DCDC2: variants seen among roughly 807,000 people sequenced by gnomAD.
DCDC2 encodes doublecortin domain-containing protein 2.
Under a neutral mutation model 50.2 loss-of-function variants are expected in DCDC2, and 40 were observed. The observed-to-expected ratio is 0.80, with a 90% CI of 0.62 to 1.04. The LOEUF (loss-of-function observed/expected upper bound fraction) is 1.04. Ranked by LOEUF, DCDC2 falls within the 50% of genes least tolerant of loss-of-function variation. The probability of loss-of-function intolerance (pLI) is 0.00; values close to 1 mark genes in which losing one functional copy is unlikely to be tolerated. For missense variants in DCDC2, 570 were observed against 581.9 expected, an observed-to-expected ratio of 0.98 and a Z score of 0.21; for synonymous variants, 234 against 210.6, an observed-to-expected ratio of 1.11 and a Z score of -0.96.
intron 2 of DCDC2, among the ~76,000 whole-genome samples, chr6:24,346,205 C>G (rs533878472): frequency 4.1e-5 from 6 of 147,370 alleles, no homozygotes; most frequent in Non-Finnish European, 6.0e-5. Flanking sequence ...CATGGATTTA[C>G]AGAAACAAAA....
At chr6:24,264,084 CAT>C (rs1244975287) in intron 7 of DCDC2, among the ~76,000 whole-genome samples, 1 of 152,018 alleles carries the variant, frequency 6.6e-6, no homozygotes, top group Non-Finnish European at 1.5e-5. Flanking sequence ...AGTGGCATGA[CAT>C]ATTTAAAGTG....
At chr6:24,355,724 G>A (rs1329265376) in intron 1 of DCDC2, among the ~76,000 whole-genome samples, 1 of 151,890 alleles carries the variant, frequency 6.6e-6, no homozygotes, top group Non-Finnish European at 1.5e-5. Context: ...AAGCTTCAGG[G>A]GAGGGAAAAA....
chr6:24,181,690 T>C (rs1204424206), intron 8 of DCDC2, among the ~76,000 whole-genome samples: 1 of 152,022 alleles, frequency 6.6e-6, no homozygotes, highest in Non-Finnish European at 1.5e-5. Flanking sequence ...AAGACATAAA[T>C]AAATGGAAAT....
At chr6:24,202,270 A>G (rs562595793) in intron 8 of DCDC2, among the ~76,000 whole-genome samples, 1 of 152,342 alleles carries the variant, frequency 6.6e-6, no homozygotes, top group East Asian at 1.9e-4. Flanking sequence ...AGCACATCAA[A>G]AAGCTTATCA....
upstream of DCDC2, among the ~76,000 whole-genome samples, chr6:24,360,170 T>G (rs1760642185): frequency 6.6e-6 from 1 of 152,162 alleles, no homozygotes; most frequent in Admixed American, 6.5e-5. Context: ...AACCGCAGCC[T>G]CGCGCGGGGA....
chr6:24,226,810 AG>A (rs1294395366), intron 7 of DCDC2, among the ~76,000 whole-genome samples: 2 of 152,228 alleles, frequency 1.3e-5, no homozygotes, highest in African/African-American at 4.8e-5. Context: ...GGTGACTCCG[AG>A]GTTTCTCACT....
At chr6:24,198,477 A>T (rs919294933) in intron 8 of DCDC2, among the ~76,000 whole-genome samples, 2 of 152,194 alleles carry the variant, frequency 1.3e-5, no homozygotes, top group African/African-American at 2.4e-5. Context: ...TCCAGCCCGG[A>T]TGCTACATTT....
At chr6:24,199,918 T>C (rs575041260) in intron 8 of DCDC2, among the ~76,000 whole-genome samples, 3 of 152,218 alleles carry the variant, frequency 2.0e-5, no homozygotes, top group African/African-American at 7.2e-5. Context: ...ATATCAGAGA[T>C]TGAAGGTCAA....
At chr6:24,281,623 T>C (rs1763474415) in intron 6 of DCDC2, among the ~76,000 whole-genome samples, 1 of 151,792 alleles carries the variant, frequency 6.6e-6, no homozygotes, top group Non-Finnish European at 1.5e-5. Context: ...ATATTTGTTT[T>C]ACACAATTAC....
chr6:24,193,565 T>A (rs768128370), intron 8 of DCDC2, among the ~76,000 whole-genome samples: 1 of 151,934 alleles, frequency 6.6e-6, no homozygotes, highest in South Asian at 2.1e-4. Flanking sequence ...AGTGAAAAAA[T>A]AGGTAATTAT....
intron 6 of DCDC2, among the ~76,000 whole-genome samples, chr6:24,287,602 G>A (rs949349572): frequency 3.9e-5 from 6 of 152,184 alleles, no homozygotes; most frequent in East Asian, 3.9e-4. Flanking sequence ...ACAAGGGCCC[G>A]GTAAATGTCA....
At chr6:24,203,828 G>T (rs138784441) in intron 8 of DCDC2, among the ~76,000 whole-genome samples, 1,562 of 152,108 alleles carry the variant, frequency 0.01, 20 homozygotes, top group Middle Eastern at 0.051. Context: ...GTGGGCAAAG[G>T]ATATGAGCAG....
At chr6:24,210,918 A>C (rs918701038) in intron 7 of DCDC2, among the ~76,000 whole-genome samples, 4 of 152,112 alleles carry the variant, frequency 2.6e-5, no homozygotes, top group Non-Finnish European at 5.9e-5. Flanking sequence ...TCTCACTAGA[A>C]AACTCTCTCC....
chr6:24,279,140 C>T (rs1258432661), intron 6 of DCDC2, among the ~76,000 whole-genome samples: 1 of 152,186 alleles, frequency 6.6e-6, no homozygotes, highest in Non-Finnish European at 1.5e-5. Flanking sequence ...TGGGGAGCCA[C>T]ATAGCAGCCA....
At chr6:24,231,997 A>G (rs1762344757) in intron 7 of DCDC2, among the ~76,000 whole-genome samples, 2 of 55,700 alleles carry the variant, frequency 3.6e-5, no homozygotes, top group Admixed American at 4.6e-4. Flanking sequence ...GTAATTTCAT[A>G]TATATATACA....
intron 2 of DCDC2, among the ~76,000 whole-genome samples, chr6:24,349,987 C>G (rs911326555): frequency 3.3e-5 from 5 of 152,092 alleles, no homozygotes; most frequent in African/African-American, 1.2e-4. Context: ...TTTATTCCCC[C>G]CCTCCACCCC....
At position 24,218,394 on chromosome 6, in the gene DCDC2, T is replaced by C. The variant is rs376961075; in HGVS notation, c.923-13292A>G. On this transcript the variant is annotated intron_variant, in intron 7 of 9. Coordinates refer to ENST00000378454, the MANE Select transcript of DCDC2 (RefSeq NM_016356.5). ...GCATCCACCAGATTCTGTGTTCTTT[T>C]CATGTCATGACTTGTAGATTTGTTC... 2.1e-4 allele frequency among the ~76,000 whole-genome samples: 32 copies of C among 152,354 alleles called. 1 individual carries two copies. The South Asian group carries it at 3.5e-3, about 17-fold the overall frequency.
upstream of DCDC2, among the ~76,000 whole-genome samples, chr6:24,358,860 T>A (rs1342867609): frequency 6.5e-5 from 1 of 15,498 alleles, no homozygotes; most frequent in African/African-American, 6.5e-4. Context: ...TTATATATAA[T>A]ATATATAATA....
the DCDC2 span, among the ~76,000 whole-genome samples, chr6:24,372,101 C>A: frequency 1.1e-4 from 16 of 152,190 alleles, no homozygotes; most frequent in Non-Finnish European, 2.1e-4. Flanking sequence ...CCATTTGACC[C>A]AGCCATCCCA....
Sources: allele counts gnomAD v4.1 joint callset (sites outside exome capture counted in the v4.1 genomes callset), GRCh38; gene constraint gnomAD v4.1.1; transcripts MANE v1.5; gene names NCBI Gene and HGNC (gene_info 2026-07-23, HGNC 2026-07-21).